The following RBFOX1 variants were observed in gnomAD, a reference collection of about 807,000 sequenced individuals.
RBFOX1 encodes RNA binding protein fox-1 homolog 1.
In RBFOX1, 8 loss-of-function variants were observed where a neutral mutation model predicts 57.7. That is an observed-to-expected ratio of 0.14 (90% confidence interval 0.08 to 0.25). RBFOX1 has a LOEUF of 0.25. Ranked by LOEUF, RBFOX1 falls within the 10% of genes least tolerant of loss-of-function variation. The pLI is 1.00. For missense variants in RBFOX1, 611 were observed against 548.5 expected (o/e 1.11, Z -1.14); for synonymous variants, 326 against 222.4 (o/e 1.47, Z -4.15).
intron 3 of RBFOX1, among the ~76,000 whole-genome samples, chr16:6,941,817 A>G (rs544952245): frequency 6.6e-6 from 1 of 152,200 alleles, no homozygotes; most frequent in South Asian, 2.1e-4. Flanking sequence ...ACAAATAAGA[A>G]TGAGCTGCTT....
At chr16:6,848,652 G>A (rs2093896652) in intron 3 of RBFOX1, among the ~76,000 whole-genome samples, 1 of 151,830 alleles carries the variant, frequency 6.6e-6, no homozygotes, top group East Asian at 1.9e-4. Flanking sequence ...AAGGAAAGGA[G>A]GGAGGGAAAA....
chr16:6,940,771 TG>T (rs1241608585), intron 3 of RBFOX1, among the ~76,000 whole-genome samples: 1 of 68,816 alleles, frequency 1.5e-5, no homozygotes, highest in African/African-American at 8.8e-5. Flanking sequence ...CTAGTGTGTG[TG>T]TGTGTGTGTG....
chr16:6,823,532 C>G (rs750312857), intron 3 of RBFOX1, among the ~76,000 whole-genome samples: 2 of 152,166 alleles, frequency 1.3e-5, no homozygotes, highest in African/African-American at 4.8e-5. Context: ...GCTGGTATTA[C>G]AGGAGGGAGC....
chr16:5,962,709 A>T (rs2059772908), intron 4 of RBFOX1, among the ~76,000 whole-genome samples: 2 of 152,122 alleles, frequency 1.3e-5, no homozygotes, highest in South Asian at 2.1e-4. Flanking sequence ...GAGTAATTAT[A>T]GTAAAAGTGG....
intron 1 of RBFOX1, among the ~76,000 whole-genome samples, chr16:6,211,504 A>G (rs1163284631): frequency 6.6e-6 from 1 of 152,120 alleles, no homozygotes; most frequent in Non-Finnish European, 1.5e-5. Flanking sequence ...CTGGGATTAC[A>G]GGCGTGAGCC....
chr16:6,974,436 C>A (rs2086334864), intron 3 of RBFOX1, among the ~76,000 whole-genome samples: 1 of 148,162 alleles, frequency 6.7e-6, no homozygotes, highest in Non-Finnish European at 1.5e-5. Flanking sequence ...CTTTCGCCTC[C>A]CAGGTTCAAG....
At chr16:7,271,136 C>T (rs535103123) in intron 4 of RBFOX1, among the ~76,000 whole-genome samples, 8 of 152,234 alleles carry the variant, frequency 5.3e-5, no homozygotes, top group African/African-American at 1.9e-4. Context: ...ATGAGAGCAG[C>T]CTAAATATAA....
intron 3 of RBFOX1, among the ~76,000 whole-genome samples, chr16:6,747,986 C>CTATT (rs2074122171): frequency 6.6e-6 from 1 of 152,104 alleles, no homozygotes; most frequent in Non-Finnish European, 1.5e-5. Flanking sequence ...TGAAATGCAC[C>CTATT]TATTATACAA....
At chr16:6,137,358 G>A (rs939431481) in intron 1 of RBFOX1, among the ~76,000 whole-genome samples, 1 of 152,148 alleles carries the variant, frequency 6.6e-6, no homozygotes. Flanking sequence ...AGGGTGGAGT[G>A]TAGTGGCGTG....
chr16:7,095,227 C>A (rs569949358), intron 4 of RBFOX1, among the ~76,000 whole-genome samples: 1 of 152,146 alleles, frequency 6.6e-6, no homozygotes, highest in Non-Finnish European at 1.5e-5. Flanking sequence ...ACCTCCGCCT[C>A]CCAGGTTCAA....
intron 2 of RBFOX1, among the ~76,000 whole-genome samples, chr16:6,440,954 G>A (rs191667746): frequency 6.6e-6 from 1 of 152,152 alleles, no homozygotes; most frequent in African/African-American, 2.4e-5. Flanking sequence ...CTGGAGAGAG[G>A]GTCTAGGCTG....
At chr16:5,816,376 A>G (rs9923496) in intron 3 of RBFOX1, among the ~76,000 whole-genome samples, 3,620 of 152,170 alleles carry the variant, frequency 0.024, 160 homozygotes, top group African/African-American at 0.083. Context: ...GCACCTCTCT[A>G]CAGAAGTGAC....
chr16:6,846,691 C>T (rs1189528059), intron 3 of RBFOX1, among the ~76,000 whole-genome samples: 1 of 152,108 alleles, frequency 6.6e-6, no homozygotes, highest in Admixed American at 6.6e-5. Flanking sequence ...TGAATGGTAA[C>T]GTTCGCCAGT....
intron 3 of RBFOX1, among the ~76,000 whole-genome samples, chr16:6,768,196 C>CA (rs2154209396): frequency 6.6e-6 from 1 of 151,922 alleles, no homozygotes; most frequent in East Asian, 1.9e-4. Flanking sequence ...GACTCCATCT[C>CA]AAAAAACAAA....
intron 1 of RBFOX1, among the ~76,000 whole-genome samples, chr16:5,414,067 T>C (rs544672740): frequency 6.6e-6 from 1 of 152,288 alleles, no homozygotes; most frequent in African/African-American, 2.4e-5. Flanking sequence ...GGTGGCCTCT[T>C]CTTTGGGGCT....
intron 8 of RBFOX1, 108 bp downstream of exon 8, chr16:7,595,749 C>T (rs2094651263): frequency 1.7e-6 from 1 of 592,564 alleles, no homozygotes; most frequent in South Asian, 5.5e-5. Flanking sequence ...CCCTATTCCC[C>T]CTCATTGTTT....
At chr16:5,656,491 A>G (rs1447744861) in intron 3 of RBFOX1, among the ~76,000 whole-genome samples, 2 of 152,204 alleles carry the variant, frequency 1.3e-5, no homozygotes, top group East Asian at 1.9e-4. Context: ...GTTAACATAT[A>G]CAACTTGTTA....
intron 4 of RBFOX1, among the ~76,000 whole-genome samples, chr16:5,922,119 C>G (rs59428240): frequency 5.3e-5 from 8 of 152,102 alleles, no homozygotes; most frequent in Non-Finnish European, 1.0e-4. Flanking sequence ...TCTGATCGCA[C>G]CACTGCATTC....
chr16:5,734,738 A>G (rs2052511168), intron 3 of RBFOX1, among the ~76,000 whole-genome samples: 1 of 151,962 alleles, frequency 6.6e-6, no homozygotes, highest in Admixed American at 6.6e-5. Context: ...CATCTCATAC[A>G]CTGAGCTCAT....
Sources: allele counts gnomAD v4.1 joint callset (sites outside exome capture counted in the v4.1 genomes callset), GRCh38; gene constraint gnomAD v4.1.1; transcripts MANE v1.5; gene names NCBI Gene and HGNC (gene_info 2026-07-23, HGNC 2026-07-21).